The following IZUMO3 variants were observed in gnomAD, a reference collection of about 807,000 sequenced individuals.
IZUMO3 encodes the protein IZUMO family member 3.
In IZUMO3, 36 loss-of-function variants were observed where a neutral mutation model predicts 28.4. That is an observed-to-expected ratio of 1.27 (90% CI 0.97 to 1.67). The LOEUF (loss-of-function observed/expected upper bound fraction) is 1.67, where lower values mean the gene tolerates loss of function less well. IZUMO3 is among the 40% of genes most tolerant of loss of function. The pLI is 0.00. For missense variants in IZUMO3, 387 were observed against 278.5 expected, an observed-to-expected ratio of 1.39 and a Z score of -2.77; for synonymous variants, 126 against 99.2, an observed-to-expected ratio of 1.27 and a Z score of -1.61.
Position 24,543,727 on chromosome 9 carries a change from C to G in IZUMO3, c.518G>C (p.Arg173Pro). 6.5e-7 allele frequency: 1 copy of G among 1,549,108 alleles called. No individual in the cohort carries two copies. Among genetic ancestry groups the G allele is most frequent in the Non-Finnish European group, 8.7e-7 (1 of 1,145,954 alleles). ...CAATATGAGAAATAGAGCAATCTCT[C>G]GATTCTCAGCCTTTCTTGGATCCTC... is the stretch of plus-strand genomic sequence containing the variant. ...GDEDPRKAEN[R>P]EIALFLILLA... The change falls in exon 6 of 7, where the codon CGA becomes CCA. Residue 173 changes from arginine (R) to proline (P), a missense_variant. Coordinates refer to ENST00000543880, the MANE Select transcript of IZUMO3 (RefSeq NM_001365008.2).
Position 24,545,418 on chromosome 9 carries a change from C to G in IZUMO3, c.226+6G>C, listed in dbSNP as rs542505878. Reference sequence around the variant, plus strand: ...CTGGACTCTCAGGAACTCAAGCTTCCCTCACCCAACACCCGAAGCCTCTTG... The same window carrying G: ...CTGGACTCTCAGGAACTCAAGCTTCGCTCACCCAACACCCGAAGCCTCTTG... On this transcript the variant is annotated splice_donor_region_variant and intron_variant, in intron 1 of 6. Transcript: ENST00000543880. 45 of 1,541,488 alleles carry G rather than the reference C, an allele frequency of 2.9e-5. No homozygotes were observed. In the African/African-American group the frequency reaches 5.9e-4, roughly 20 times the overall value.
rs1819484461 is a variant in IZUMO3, at chr9:24,543,034, G to C, written c.*195C>G. The C allele has an allele frequency of 6.4e-6, 3 of 465,410 alleles. No homozygotes were observed. The highest frequency in any genetic ancestry group is 4.0e-5 in the African/African-American group (2 of 49,800). 28.8% of individuals were successfully genotyped at this position (465,410 alleles called of 1,614,324 possible). ...CAGCATTACTTTCTGTACAACTCTG[G>C]CCAAATTATTTGCTCTCCCATTACT... On this transcript the variant is annotated 3_prime_UTR_variant, in exon 7 of 7. Transcript: ENST00000543880.
chr9:24,543,793 G>A (rs1276890600), intron 5 of IZUMO3, 39 bp from the exon 6 acceptor site: 8 of 1,327,826 alleles, frequency 6.0e-6, no homozygotes, highest in Admixed American at 2.0e-5. Context: ...GTGAGTTTTG[G>A]AGAAGAGAAA....
chr9:24,545,139 T>C (rs957028879), intron 2 of IZUMO3, 73 bp downstream of exon 2: 6 of 1,502,744 alleles, frequency 4.0e-6, no homozygotes, highest in South Asian at 1.2e-5. Flanking sequence ...GTTTTTATCT[T>C]TGTTTTCCCC....
chr9:24,544,950 T>C, intron 3 of IZUMO3, 22 bp downstream of exon 3: 4 of 1,491,128 alleles, frequency 2.7e-6, no homozygotes, highest in African/African-American at 2.8e-5. Flanking sequence ...TTCAGTGCTG[T>C]TATATAGAAA....
intron 3 of IZUMO3, 57 bp downstream of exon 3, chr9:24,544,913 CCG>C (rs1819550849): frequency 1.4e-6 from 2 of 1,385,512 alleles, no homozygotes; most frequent in African/African-American, 2.9e-5. Context: ...TTCCCTCATC[CCG>C]CATTTTCTAT....
chr9:24,545,850 C>T lies in IZUMO3; in HGVS notation c.-201G>A, dbSNP rs1046166131. On this transcript the variant is annotated 5_prime_UTR_variant, in exon 1 of 7. The change abolishes an upstream ATG in the 5' untranslated region. Transcript: ENST00000543880. ...TAGTTGTTTACTGACTATTATCCTT[C>T]ATTCTAGGAGAGGGAACTGCCAGCT... 3 of 1,531,320 alleles carry T rather than the reference C, an allele frequency of 2.0e-6. No individual in the cohort carries two copies. Among genetic ancestry groups the T allele is most frequent in the African/African-American group, 2.8e-5 (2 of 72,648 alleles). 94.9% of individuals were successfully genotyped at this position (1,531,320 alleles called of 1,614,324 possible).
rs918131395 is a variant in IZUMO3, at chr9:24,544,090, C to G, written c.490+111G>C. On this transcript the variant is annotated intron_variant, in intron 5 of 6. Coordinates refer to ENST00000543880, the MANE Select transcript of IZUMO3 (RefSeq NM_001365008.2). ...CTCCATTTTGTAACACTACCATGAC[C>G]TCCATTAAAGGTCATGTAGTGACCC... 9.3e-6 allele frequency: 7 copies of G among 755,670 alleles called. No homozygotes were observed. In the East Asian group the frequency reaches 1.6e-4, roughly 17 times the overall value. 46.8% of individuals were successfully genotyped at this position (755,670 alleles called of 1,614,324 possible).
chr9:24,543,438 GTTTTTTTTTTTTTTTT>G (rs33972842), intron 6 of IZUMO3, 71 bp from the exon 7 acceptor site: 639 of 37,738 alleles, frequency 0.017, 3 homozygotes, highest in East Asian at 0.027. Context: ...GTTATACATT[GTTTTTTTTTTTTTTTT>G]TTTTTTTTTT....
rs1819486040 is a variant in IZUMO3 at position 24,543,093 on chromosome 9, T to G, written c.*136A>C. The stretch of plus-strand genomic sequence containing the variant: ...CTCAGGATATCAATAAGCATTTTCA[T>G]TAGAGAAACTCTAAGTTCTATTTCA... On this transcript the variant is annotated 3_prime_UTR_variant, in exon 7 of 7. Coordinates refer to ENST00000543880, the MANE Select transcript of IZUMO3 (RefSeq NM_001365008.2). The G allele has an allele frequency of 2.9e-6, 2 of 692,306 alleles. No individual in the cohort carries two copies. Among genetic ancestry groups the G allele is most frequent in the South Asian group, 3.3e-5 (1 of 30,304 alleles). 42.9% of individuals were successfully genotyped at this position (692,306 alleles called of 1,614,324 possible).
chr9:24,543,297 T>C lies in IZUMO3; in HGVS notation c.652A>G (p.Lys218Glu). The part of the protein sequence containing the change: ...IRRSLKEYVE[K>E]KLEELMGKID... ...TTCCCCATTAATTCTTCAAGTTTCT[T>C]CTCCACATATTCCTTTAGCGACCTT... Residue 218 changes from lysine (K) to glutamate (E), a missense_variant, in exon 7 of 7, where the codon AAG (lysine) becomes GAG (glutamate). Physicochemically the swap from Lys to Glu is moderately conservative, Grantham distance 56. Coordinates refer to ENST00000543880, the MANE Select transcript of IZUMO3 (RefSeq NM_001365008.2). 1 of 1,549,002 alleles carries C rather than the reference T, an allele frequency of 6.5e-7. No individual in the cohort carries two copies. Among genetic ancestry groups the C allele is most frequent in the Non-Finnish European group, 8.7e-7 (1 of 1,146,006 alleles).
intron 3 of IZUMO3, 93 bp from the exon 4 acceptor site, chr9:24,544,853 C>G: frequency 2.2e-6 from 3 of 1,367,966 alleles, no homozygotes; most frequent in Non-Finnish European, 3.1e-6. Context: ...CTTTAAGTTC[C>G]AGTTACCTCT....
intron 2 of IZUMO3, 75 bp from the exon 3 acceptor site, chr9:24,545,136 T>A: frequency 6.7e-7 from 1 of 1,494,414 alleles, no homozygotes. Flanking sequence ...TCTGTTTTTA[T>A]CTTTGTTTTC....
In IZUMO3 at chr9:24,545,837, G is replaced by A. The variant is rs764289305; in HGVS notation, c.-188C>T. ...GTTTAATGATCTTTAGTTGTTTACT[G>A]ACTATTATCCTTCATTCTAGGAGAG... On this transcript the variant is annotated 5_prime_UTR_variant, in exon 1 of 7. It introduces an in-frame stop codon into an upstream open reading frame of the 5' UTR. Transcript: ENST00000543880. 217 of 1,540,548 alleles carry A rather than the reference G, an allele frequency of 1.4e-4. No individual in the cohort carries two copies. The highest frequency in any genetic ancestry group is 1.8e-4 in the Non-Finnish European group (203 of 1,141,970).
In IZUMO3 at chr9:24,545,620, C is replaced by A; in HGVS notation, c.30G>T (p.Leu10=). Residue 10 remains leucine, a synonymous_variant, in exon 1 of 7, where the codon CTG becomes CTT. Transcript: ENST00000543880. ...TGACTCCATGGAAGGCTGAGAGGGGCAGGAGCAGGAATAACCACAGGTCAC... is the reference window on the plus strand; with the variant it reads ...TGACTCCATGGAAGGCTGAGAGGGGAAGGAGCAGGAATAACCACAGGTCAC... The part of the protein sequence containing the change: MGDLWLFLL[L]PLSAFHGVKG... 5.2e-6 allele frequency: 8 copies of A among 1,535,322 alleles called. No individual in the cohort carries two copies. Among genetic ancestry groups the A allele is most frequent in the Non-Finnish European group, 7.0e-6 (8 of 1,146,692 alleles).
At position 24,543,218 on chromosome 9, in the gene IZUMO3, T is replaced by C. The variant is rs1397677261; in HGVS notation, c.*11A>G. On this transcript the variant is annotated 3_prime_UTR_variant, in exon 7 of 7. Transcript: ENST00000543880. ...AGAATCATGAAAGACTTCTTGTCCA[T>C]GTTGATGTGTTTATTTTCTGAGTCT... 3.3e-6 allele frequency: 5 copies of C among 1,537,090 alleles called. No individual in the cohort carries two copies. In the East Asian group the frequency reaches 1.2e-4, roughly 38 times the overall value.
intron 5 of IZUMO3, 86 bp from the exon 6 acceptor site, chr9:24,543,840 T>C: frequency 2.2e-6 from 2 of 894,070 alleles, no homozygotes; most frequent in Non-Finnish European, 3.6e-6. Flanking sequence ...AAAACTCTTT[T>C]AACCTCAGTT....
rs1309903696 is a variant in IZUMO3 at position 24,545,239 on chromosome 9, A to G, written c.274T>C (p.Tyr92His). 1.3e-6 allele frequency: 2 copies of G among 1,550,388 alleles called. No individual in the cohort carries two copies. Among genetic ancestry groups the G allele is most frequent in the Admixed American group, 2.0e-5 (1 of 51,002 alleles). Reference sequence around the variant, plus strand: ...TTCCATGTTTCATTGCCCAGTTTATAAAATTCATTCTTCAACCATGTTCTC... The same window carrying G: ...TTCCATGTTTCATTGCCCAGTTTATGAAATTCATTCTTCAACCATGTTCTC... Reference protein sequence around the residue: ...KLRTWLKNEFYKLGNETWKGV... With the variant: ...KLRTWLKNEFHKLGNETWKGV... The change falls in exon 2 of 7, where the codon TAT (tyrosine) becomes CAT (histidine). Residue 92 changes from tyrosine (Y) to histidine (H), a missense_variant. By Grantham distance (83) the Tyr-to-His change is moderately conservative. Transcript: ENST00000543880.
In IZUMO3 at chr9:24,543,118, A is replaced by G. The variant is rs927656712; in HGVS notation, c.*111T>C. On this transcript the variant is annotated 3_prime_UTR_variant, in exon 7 of 7. Coordinates refer to ENST00000543880, the MANE Select transcript of IZUMO3 (RefSeq NM_001365008.2). ...TTAGAGAAACTCTAAGTTCTATTTCAGTTTTAAAATACTATGACTTTATGA... is the reference window on the plus strand; with the variant it reads ...TTAGAGAAACTCTAAGTTCTATTTCGGTTTTAAAATACTATGACTTTATGA... 1.2e-6 allele frequency: 1 copy of G among 818,960 alleles called. No homozygotes were observed. Among genetic ancestry groups the G allele is most frequent in the Non-Finnish European group, 1.7e-6 (1 of 571,644 alleles). The allele number at this position is 818,960 out of a possible 1,614,324, so 50.7% of individuals were successfully genotyped here.
Sources: gnomAD v4.1 joint callset for allele counts on GRCh38, gnomAD v4.1.1 for gene constraint, MANE v1.5 for transcripts, NCBI Gene and HGNC (gene_info 2026-07-23, HGNC 2026-07-21) for gene names.